RBFOX2: variants seen among roughly 807,000 people sequenced by gnomAD.
RBFOX2 encodes the protein RNA binding protein fox-1 homolog 2.
RBFOX2 carries 10 observed loss-of-function variants against 49.1 expected under a neutral mutation model. The ratio of observed to expected loss-of-function variants is 0.20; its 90% confidence interval spans 0.13 to 0.35. The LOEUF (loss-of-function observed/expected upper bound fraction) is 0.35, where lower values mean the gene tolerates loss of function less well. Among genes scored for constraint, RBFOX2 ranks in the 10% least tolerant of loss-of-function variants. The probability of loss-of-function intolerance (pLI) is 1.00; values close to 1 mark genes in which losing one functional copy is unlikely to be tolerated. For synonymous variants in RBFOX2, 183 were observed against 187.4 expected, an observed-to-expected ratio of 0.98 and a Z score of 0.19; for missense variants, 323 against 486.9, an observed-to-expected ratio of 0.66 and a Z score of 3.17.
Position 35,788,205 on chromosome 22 carries a change from C to G in RBFOX2, c.253-6459G>C, listed in dbSNP as rs532305702. On this transcript the variant is annotated intron_variant, in intron 2 of 11. Coordinates refer to ENST00000405409, the Ensembl canonical transcript of RBFOX2. The stretch of plus-strand genomic sequence containing the variant: ...TGGAAATATTTTAACTATACATTGT[C>G]AACAAATGTTCTGTCATAATCTAAA... Among the ~76,000 whole-genome samples, 18 of 152,194 alleles carry G rather than the reference C, an allele frequency of 1.2e-4. No individual in the cohort carries two copies. The South Asian group carries it at 2.5e-3, about 21-fold the overall frequency.
intron 1 of RBFOX2, among the ~76,000 whole-genome samples, chr22:35,866,122 G>A (rs531982803): frequency 6.6e-5 from 10 of 152,184 alleles, no homozygotes; most frequent in Admixed American, 1.3e-4. Flanking sequence ...GTTGGTTTAG[G>A]GGTAAGCTTT....
chr22:35,850,733 C>A (rs961834237), intron 1 of RBFOX2, among the ~76,000 whole-genome samples: 5 of 152,144 alleles, frequency 3.3e-5, no homozygotes, highest in African/African-American at 1.2e-4. Context: ...TCTGACAAAG[C>A]ACAATAGGTT....
intron 4 of RBFOX2, among the ~76,000 whole-genome samples, chr22:35,771,872 T>C (rs777348846): frequency 5.9e-5 from 9 of 152,210 alleles, no homozygotes; most frequent in Non-Finnish European, 1.3e-4. Flanking sequence ...AAGTTATCAG[T>C]AGAAAAGTCT....
chr22:35,834,164 T>C (rs757838348), intron 1 of RBFOX2, among the ~76,000 whole-genome samples: 5 of 152,234 alleles, frequency 3.3e-5, no homozygotes, highest in Non-Finnish European at 7.3e-5. Flanking sequence ...TAAGCCAGTC[T>C]GTCTGGATAT....
intron 1 of RBFOX2, among the ~76,000 whole-genome samples, chr22:35,893,508 G>A (rs926730652): frequency 6.6e-6 from 1 of 152,102 alleles, no homozygotes; most frequent in Non-Finnish European, 1.5e-5. Flanking sequence ...GGTCAACAGG[G>A]CTGATCAATC....
At chr22:35,743,083 G>C (rs1034473074) in exon 12 of RBFOX2, 6 of 152,528 alleles carry the variant, frequency 3.9e-5, no homozygotes, top group Admixed American at 3.9e-4. Flanking sequence ...TACTGACCTA[G>C]GACCTGGTAC....
intron 1 of RBFOX2, among the ~76,000 whole-genome samples, chr22:35,960,667 T>C (rs1332800424): frequency 6.6e-6 from 1 of 152,186 alleles, no homozygotes; most frequent in Non-Finnish European, 1.5e-5. Flanking sequence ...TTTAAGTATC[T>C]TCAAATGGGG....
In RBFOX2 at chr22:35,759,503, C is replaced by T. The variant is rs1220421700; in HGVS notation, c.887+385G>A. 1.3e-5 allele frequency among the ~76,000 whole-genome samples: 2 copies of T among 152,170 alleles called. No homozygotes were observed. The highest frequency in any genetic ancestry group is 2.9e-5 in the Non-Finnish European group (2 of 68,028). ...CACGGGGTGGTGATAAGGAGGTGAA[C>T]ACAGCAGATGCAGGCTTGTACTACA... On this transcript the variant is annotated intron_variant, in intron 9 of 11. Coordinates refer to ENST00000405409, the Ensembl canonical transcript of RBFOX2. The surrounding 1 kb of genome is among the most constrained non-coding windows in gnomAD (Gnocchi z 4.6).
chr22:35,990,898 CA>C (rs1416953978), intron 1 of RBFOX2, among the ~76,000 whole-genome samples: 1 of 152,018 alleles, frequency 6.6e-6, no homozygotes, highest in Non-Finnish European at 1.5e-5. Flanking sequence ...TTTATGTAAG[CA>C]TTGGAGAGGG....
At chr22:36,003,515 T>C (rs2058506974) in intron 1 of RBFOX2, among the ~76,000 whole-genome samples, 1 of 152,184 alleles carries the variant, frequency 6.6e-6, no homozygotes, top group Non-Finnish European at 1.5e-5. Context: ...AAGCTGACAG[T>C]ACTGGGTACC....
intron 1 of RBFOX2, among the ~76,000 whole-genome samples, chr22:35,816,966 G>A (rs1322382490): frequency 6.6e-6 from 1 of 152,114 alleles, no homozygotes; most frequent in African/African-American, 2.4e-5. Flanking sequence ...ATTTAAAAAT[G>A]CACATGTCAA....
intron 1 of RBFOX2, among the ~76,000 whole-genome samples, chr22:35,875,226 T>C (rs1401786925): frequency 6.6e-6 from 1 of 152,158 alleles, no homozygotes; most frequent in Non-Finnish European, 1.5e-5. Context: ...ATTAAAGTCT[T>C]CCGGCATTCA....
intron 1 of RBFOX2, among the ~76,000 whole-genome samples, chr22:35,834,915 C>A (rs1957379397): frequency 6.6e-6 from 1 of 152,192 alleles, no homozygotes; most frequent in Admixed American, 6.5e-5. Context: ...TTCACTCTGG[C>A]AATGACCTCT....
At chr22:35,828,394 C>T (rs1956183575) in intron 1 of RBFOX2, among the ~76,000 whole-genome samples, 1 of 152,060 alleles carries the variant, frequency 6.6e-6, no homozygotes, top group African/African-American at 2.4e-5. Context: ...CTGGTGGGTT[C>T]CATGAATTGA....
chr22:35,897,150 G>T, intron 1 of RBFOX2: 6 of 527,902 alleles, frequency 1.1e-5, no homozygotes, highest in Admixed American at 3.4e-5. Flanking sequence ...ATGTTTTAAT[G>T]GTGGGATCTT....
intron 1 of RBFOX2, among the ~76,000 whole-genome samples, chr22:35,868,008 C>T (rs1015397559): frequency 2.2e-4 from 33 of 151,976 alleles, no homozygotes; most frequent in African/African-American, 6.0e-4. Flanking sequence ...CCTAGGAGTT[C>T]GAGACCAGCC....
chr22:35,883,841 A>G (rs1023308297), intron 1 of RBFOX2, among the ~76,000 whole-genome samples: 1 of 152,054 alleles, frequency 6.6e-6, no homozygotes, highest in Non-Finnish European at 1.5e-5. Flanking sequence ...AGACCTCGTG[A>G]CAATCGCCTC....
intron 9 of RBFOX2, among the ~76,000 whole-genome samples, chr22:35,751,914 A>G (rs1935075657): frequency 6.6e-6 from 1 of 152,228 alleles, no homozygotes; most frequent in African/African-American, 2.4e-5. Context: ...GTTCATTTCC[A>G]AAATCTTGCT....
chr22:35,859,264 G>A (rs1290884104), intron 1 of RBFOX2, among the ~76,000 whole-genome samples: 3 of 152,166 alleles, frequency 2.0e-5, no homozygotes, highest in East Asian at 1.9e-4. Flanking sequence ...AAAAACTAGC[G>A]GGAGTTTTCT....
Sources: gnomAD v4.1 joint callset for allele counts (sites outside exome capture counted in the v4.1 genomes callset) on GRCh38, gnomAD v4.1.1 for gene constraint, Gnocchi (gnomAD v3.1) non-coding constraint, MANE v1.5 for transcripts, NCBI Gene and HGNC (gene_info 2026-07-23, HGNC 2026-07-21) for gene names.